TMEM62: variants seen among roughly 807,000 people sequenced by gnomAD.
TMEM62 encodes transmembrane protein 62.
Under a neutral mutation model 70.4 loss-of-function variants are expected in TMEM62, and 41 were observed. The observed-to-expected ratio is 0.58, with a 90% CI of 0.45 to 0.76. The LOEUF (loss-of-function observed/expected upper bound fraction) is 0.76. TMEM62 is among the 30% of genes least tolerant of loss of function. The pLI is 0.00. For synonymous variants in TMEM62, 268 were observed against 291.0 expected (o/e 0.92, Z 0.80); for missense variants, 688 against 788.5 (o/e 0.87, Z 1.53).
intron 11 of TMEM62, among the ~76,000 whole-genome samples, chr15:43,171,473 C>T (rs562986237): frequency 2.6e-5 from 4 of 152,004 alleles, no homozygotes; most frequent in African/African-American, 7.2e-5. Context: ...AGTCTTTGTC[C>T]TGTATTTTCC....
intron 8 of TMEM62, among the ~76,000 whole-genome samples, chr15:43,152,297 T>A (rs1222699959): frequency 1.3e-5 from 2 of 152,102 alleles, no homozygotes; most frequent in African/African-American, 2.4e-5. Flanking sequence ...ATATATCAAA[T>A]TTTTTTTCAT....
At chr15:43,181,761 G>A (rs960080758) in intron 13 of TMEM62, among the ~76,000 whole-genome samples, 6 of 152,162 alleles carry the variant, frequency 3.9e-5, no homozygotes, top group Admixed American at 3.9e-4. Flanking sequence ...CTTGGCCTCC[G>A]AAAGTGCTAG....
At chr15:43,165,562 T>C (rs992554970) in intron 10 of TMEM62, among the ~76,000 whole-genome samples, 1 of 151,840 alleles carries the variant, frequency 6.6e-6, no homozygotes, top group African/African-American at 2.4e-5. Flanking sequence ...TGAAACCCCA[T>C]CTCTACTAAA....
intron 4 of TMEM62, 32 bp from the exon 5 acceptor site, chr15:43,146,461 A>T (rs1460031228): frequency 3.8e-6 from 6 of 1,574,776 alleles, no homozygotes; most frequent in Non-Finnish European, 5.2e-6. Flanking sequence ...TCTTTTTATT[A>T]CACTAACACC....
At chr15:43,173,140 G>T (rs1031423436) in intron 11 of TMEM62, among the ~76,000 whole-genome samples, 1 of 152,134 alleles carries the variant, frequency 6.6e-6, no homozygotes, top group African/African-American at 2.4e-5. Flanking sequence ...AGGTTGCAGT[G>T]AGCCAAGACT....
Position 43,133,952 on chromosome 15 carries a change from C to G in TMEM62, c.150C>G (p.Pro50=). The G allele has an allele frequency of 5.5e-6, 8 of 1,467,152 alleles. No homozygotes were observed. The highest frequency in any genetic ancestry group is 6.3e-6 in the Non-Finnish European group (7 of 1,119,188). 90.9% of individuals were successfully genotyped at this position (1,467,152 alleles called of 1,614,324 possible). The change falls in exon 1 of 14, where the codon CCC becomes CCG. Residue 50 remains proline (P), a synonymous_variant. Transcript: ENST00000260403. The part of the protein sequence containing the change: ...PPRRPHPAPG[P]GDSNIFWGLQ... ...GGAGGCCGCACCCTGCGCCAGGGCC[C>G]GGAGACAGCAACATCTTCTGGGGCC... is the stretch of plus-strand genomic sequence containing the variant.
At chr15:43,154,947 G>A in intron 9 of TMEM62, 116 bp downstream of exon 9, 2 of 959,020 alleles carry the variant, frequency 2.1e-6, no homozygotes, top group Non-Finnish European at 3.0e-6. Flanking sequence ...AAAACTGGGG[G>A]CCGGGCATGG....
At chr15:43,175,532 T>C (rs1339205435) in intron 11 of TMEM62, among the ~76,000 whole-genome samples, 1 of 152,248 alleles carries the variant, frequency 6.6e-6, no homozygotes. Context: ...TCTGTGGTAC[T>C]GTAGACTGTG....
chr15:43,152,499 T>C (rs1160711831), intron 8 of TMEM62, among the ~76,000 whole-genome samples: 1 of 152,096 alleles, frequency 6.6e-6, no homozygotes, highest in African/African-American at 2.4e-5. Context: ...AGTTCAAGCT[T>C]TTCTCATGCC....
intron 2 of TMEM62, among the ~76,000 whole-genome samples, chr15:43,135,044 T>C (rs1305774863): frequency 6.6e-6 from 1 of 152,268 alleles, no homozygotes; most frequent in African/African-American, 2.4e-5. Flanking sequence ...TAGTTCTCTA[T>C]AAATTTTGGT....
chr15:43,180,333 G>C (rs948780019), intron 12 of TMEM62, among the ~76,000 whole-genome samples: 2 of 152,170 alleles, frequency 1.3e-5, no homozygotes, highest in African/African-American at 4.8e-5. Context: ...ATGTTGGCCA[G>C]GCTGGTCTTG....
chr15:43,142,120 TG>T (rs2036095839), intron 4 of TMEM62, among the ~76,000 whole-genome samples: 1 of 152,106 alleles, frequency 6.6e-6, no homozygotes, highest in Admixed American at 6.6e-5. Context: ...TGGATTTCTT[TG>T]GGTAAAATGC....
intron 10 of TMEM62, among the ~76,000 whole-genome samples, chr15:43,164,727 A>G (rs2039184283): frequency 6.6e-6 from 1 of 152,178 alleles, no homozygotes; most frequent in African/African-American, 2.4e-5. Context: ...CTTATAGGAC[A>G]GGTCTGGTGT....
intron 4 of TMEM62, among the ~76,000 whole-genome samples, chr15:43,141,460 G>GA (rs2035996250): frequency 6.6e-6 from 1 of 152,150 alleles, no homozygotes; most frequent in Non-Finnish European, 1.5e-5. Flanking sequence ...CTACTGCTCA[G>GA]AAAAAAATAT....
At chr15:43,144,448 A>G (rs1364816575) in intron 4 of TMEM62, among the ~76,000 whole-genome samples, 3 of 152,256 alleles carry the variant, frequency 2.0e-5, no homozygotes, top group Non-Finnish European at 4.4e-5. Context: ...CATAATTAAA[A>G]TAGTGTTTTA....
chr15:43,154,931 T>TA (rs879752463), intron 9 of TMEM62, 100 bp downstream of exon 9: 2,316 of 1,109,166 alleles, frequency 2.1e-3, no homozygotes, highest in South Asian at 2.9e-3. Flanking sequence ...AAACCATGTT[T>TA]AAAAAAAAAC....
chr15:43,166,798 A>C (rs1416630501), intron 10 of TMEM62, among the ~76,000 whole-genome samples: 1 of 152,144 alleles, frequency 6.6e-6, no homozygotes, highest in Non-Finnish European at 1.5e-5. Context: ...ACCGCCCTTA[A>C]TCCATTCAAC....
chr15:43,140,833 G>T (rs1375669266), intron 4 of TMEM62, among the ~76,000 whole-genome samples: 1 of 152,184 alleles, frequency 6.6e-6, no homozygotes, highest in Non-Finnish European at 1.5e-5. Flanking sequence ...TAGCAACATT[G>T]ATGGCATCCA....
chr15:43,167,299 C>T (rs1327714507), intron 10 of TMEM62, among the ~76,000 whole-genome samples: 1 of 151,738 alleles, frequency 6.6e-6, no homozygotes, highest in Non-Finnish European at 1.5e-5. Flanking sequence ...GGGTGGCTGC[C>T]GGGCGGAGAC....
Sources: allele counts gnomAD v4.1 joint callset (sites outside exome capture counted in the v4.1 genomes callset), GRCh38; gene constraint gnomAD v4.1.1; transcripts MANE v1.5; gene names NCBI Gene and HGNC (gene_info 2026-07-23, HGNC 2026-07-21).